The following B3GALT1 variants were observed in gnomAD, a reference collection of about 807,000 sequenced individuals.
The protein encoded by B3GALT1 is beta-1,3-galactosyltransferase 1, also known as UDP-Gal:betaGlcNAc beta 1,3-galactosyltransferase, polypeptide 1.
A neutral mutation model predicts 23.2 loss-of-function variants in B3GALT1; 10 were observed. The ratio of observed to expected loss-of-function variants is 0.43; its 90% CI spans 0.27 to 0.73. The LOEUF (loss-of-function observed/expected upper bound fraction) is 0.73. Ranked by LOEUF, B3GALT1 falls within the 30% of genes least tolerant of loss-of-function variation. B3GALT1 has a pLI of 0.21. For synonymous variants in B3GALT1, 156 were observed against 141.5 expected (o/e 1.10, Z -0.73); for missense variants, 299 against 405.4 (o/e 0.74, Z 2.25).
intron 2 of B3GALT1, among the ~76,000 whole-genome samples, chr2:167,521,374 G>A (rs1335866691): frequency 1.3e-5 from 2 of 151,984 alleles, no homozygotes. Context: ...CAAAACTGTA[G>A]CCTACTTTTT....
chr2:167,611,520 A>T (rs1292398510), intron 2 of B3GALT1, among the ~76,000 whole-genome samples: 1 of 151,994 alleles, frequency 6.6e-6, no homozygotes, highest in Admixed American at 6.6e-5. Flanking sequence ...AAACGCAAAA[A>T]CCAGCTATCA....
At chr2:167,478,303 A>G (rs2105334699) in intron 1 of B3GALT1, among the ~76,000 whole-genome samples, 1 of 152,308 alleles carries the variant, frequency 6.6e-6, no homozygotes, top group Non-Finnish European at 1.5e-5. Flanking sequence ...TATTTTAACA[A>G]TTATTAAATG....
rs539571753 is a variant in B3GALT1 at position 167,641,676 on chromosome 2, A to G, written c.-409-5233A>G. On this transcript the variant is annotated intron_variant, in intron 2 of 4. Coordinates refer to ENST00000392690, the MANE Select transcript of B3GALT1 (RefSeq NM_020981.4). ...GTCTTTTCTTGGCTTGCCTTCCATG[A>G]CATTACAGTCTCCTGGTTCCCCTGT... 6.0e-4 allele frequency among the ~76,000 whole-genome samples: 92 copies of G among 152,176 alleles called. 2 individuals carry two copies. The South Asian group carries it at 0.019, about 32-fold the overall frequency.
chr2:167,410,020 A>G (rs540148002), intron 1 of B3GALT1, among the ~76,000 whole-genome samples: 1 of 152,304 alleles, frequency 6.6e-6, no homozygotes, highest in South Asian at 2.1e-4. Flanking sequence ...AAGACTTGGA[A>G]CCATCCCAAA....
At chr2:167,458,799 A>G (rs1699212372) in intron 1 of B3GALT1, among the ~76,000 whole-genome samples, 2 of 152,010 alleles carry the variant, frequency 1.3e-5, no homozygotes, top group South Asian at 4.1e-4. Flanking sequence ...TTTAAACCAG[A>G]TTTTTTTGTT....
At position 167,872,358 on chromosome 2, in the gene B3GALT1, C is replaced by T. The variant is rs1267309948; in HGVS notation, c.*2338C>T. On this transcript the variant is annotated 3_prime_UTR_variant, in exon 5 of 5. Transcript: ENST00000392690. ...GGACCTGATATGAGACAAGACTTCCCATCCCTTAACACATCTTCATCTTAT... is the reference window on the plus strand; with the variant it reads ...GGACCTGATATGAGACAAGACTTCCTATCCCTTAACACATCTTCATCTTAT... 1.3e-5 allele frequency: 2 copies of T among 152,142 alleles called. No individual in the cohort carries two copies. Among genetic ancestry groups the T allele is most frequent in the Non-Finnish European group, 1.5e-5 (1 of 68,042 alleles). The allele number at this position is 152,142 out of a possible 1,614,324, so 9.4% of individuals were successfully genotyped here.
chr2:167,415,351 G>GA (rs1698452734), intron 1 of B3GALT1, among the ~76,000 whole-genome samples: 1 of 152,182 alleles, frequency 6.6e-6, no homozygotes, highest in African/African-American at 2.4e-5. Flanking sequence ...CCACAAGTAA[G>GA]AAGGCCCTCC....
rs148492901 is a variant in B3GALT1 at position 167,321,513 on chromosome 2, T to A, written c.-511+28179T>A. ...ATCTCCTGTCAATGCACAGAGAAAATCAAAACCAGAGAACAGAGGATCTCC... is the reference window on the plus strand; with the variant it reads ...ATCTCCTGTCAATGCACAGAGAAAAACAAAACCAGAGAACAGAGGATCTCC... On this transcript the variant is annotated intron_variant, in intron 1 of 4. Coordinates refer to ENST00000392690, the MANE Select transcript of B3GALT1 (RefSeq NM_020981.4). 4.1e-4 allele frequency among the ~76,000 whole-genome samples: 63 copies of A among 151,984 alleles called. No individual in the cohort carries two copies. The East Asian group carries it at 0.011, about 26-fold the overall frequency.
chr2:167,838,342 G>T lies in B3GALT1; in HGVS notation c.-230+19549G>T, dbSNP rs868405183. Among the ~76,000 whole-genome samples, 1,257 of 152,264 alleles carry T rather than the reference G, an allele frequency of 8.3e-3. 4 individuals carry two copies. Among genetic ancestry groups the T allele is most frequent in the African/African-American group, 0.029 (1,195 of 41,474 alleles). ...AGACGCAATAAAAAATGATAAAGGGGATATCACCACCGATCCCACAGAAAT... is the reference window on the plus strand; with the variant it reads ...AGACGCAATAAAAAATGATAAAGGGTATATCACCACCGATCCCACAGAAAT... On this transcript the variant is annotated intron_variant, in intron 4 of 4. Coordinates refer to ENST00000392690, the MANE Select transcript of B3GALT1 (RefSeq NM_020981.4).
intron 3 of B3GALT1, among the ~76,000 whole-genome samples, chr2:167,787,262 A>G (rs1688356698): frequency 6.6e-6 from 1 of 152,204 alleles, no homozygotes; most frequent in Admixed American, 6.5e-5. Context: ...ACATGGAGAT[A>G]AGAGCACCTA....
At chr2:167,543,786 T>C (rs566319636) in intron 2 of B3GALT1, among the ~76,000 whole-genome samples, 24 of 152,348 alleles carry the variant, frequency 1.6e-4, no homozygotes, top group African/African-American at 4.6e-4. Context: ...GTGTCTTTAT[T>C]CCTTCTTGAG....
chr2:167,617,762 G>C (rs1326382912), intron 2 of B3GALT1, among the ~76,000 whole-genome samples: 4 of 151,924 alleles, frequency 2.6e-5, no homozygotes, highest in African/African-American at 9.7e-5. Flanking sequence ...ATTAATTAAT[G>C]AGGAAAGTAG....
intron 3 of B3GALT1, among the ~76,000 whole-genome samples, chr2:167,799,662 C>A (rs761515720): frequency 1.3e-5 from 2 of 152,070 alleles, no homozygotes; most frequent in Non-Finnish European, 2.9e-5. Flanking sequence ...TGTTTCAAAC[C>A]AAATCATTAA....
chr2:167,566,218 G>GA (rs903386862), intron 2 of B3GALT1, among the ~76,000 whole-genome samples: 5 of 152,216 alleles, frequency 3.3e-5, no homozygotes, highest in South Asian at 2.1e-4. Context: ...GGATGAAATT[G>GA]AAAATCATCA....
At chr2:167,558,756 G>T (rs986833862) in intron 2 of B3GALT1, among the ~76,000 whole-genome samples, 21 of 152,346 alleles carry the variant, frequency 1.4e-4, no homozygotes, top group African/African-American at 4.8e-4. Flanking sequence ...GGCTGGGGGA[G>T]GGGCGCCCAC....
intron 1 of B3GALT1, among the ~76,000 whole-genome samples, chr2:167,388,423 C>T (rs946786650): frequency 1.6e-4 from 25 of 152,114 alleles, no homozygotes; most frequent in African/African-American, 5.3e-4. Flanking sequence ...TCCAGGAAGG[C>T]TCCTGGAGGT....
chr2:167,732,980 T>A (rs929725495), intron 3 of B3GALT1, among the ~76,000 whole-genome samples: 1 of 152,206 alleles, frequency 6.6e-6, no homozygotes, highest in Non-Finnish European at 1.5e-5. Context: ...TGTTTTTATT[T>A]CCATTTTACG....
At chr2:167,600,000 A>C (rs72872885) in intron 2 of B3GALT1, among the ~76,000 whole-genome samples, 2 of 152,238 alleles carry the variant, frequency 1.3e-5, no homozygotes, top group Admixed American at 1.3e-4. Flanking sequence ...TGTCTCCCGT[A>C]TGCTAAATGC....
chr2:167,829,485 G>T (rs1185270804), intron 4 of B3GALT1, among the ~76,000 whole-genome samples: 1 of 142,518 alleles, frequency 7.0e-6, no homozygotes, highest in African/African-American at 2.6e-5. Flanking sequence ...TCCATCTCAA[G>T]GAAAAAAAAA....
Sources: gnomAD v4.1 joint callset for allele counts (sites outside exome capture counted in the v4.1 genomes callset) on GRCh38, gnomAD v4.1.1 for gene constraint, MANE v1.5 for transcripts, NCBI Gene and HGNC (gene_info 2026-07-23, HGNC 2026-07-21) for gene names.